The following TRIM66 variants were observed in gnomAD, a reference collection of about 807,000 sequenced individuals.
The protein encoded by TRIM66 is tripartite motif-containing protein 66.
Under a neutral mutation model 148.2 loss-of-function variants are expected in TRIM66, and 99 were observed. That is an observed-to-expected ratio of 0.67 (90% confidence interval 0.57 to 0.79). The LOEUF (loss-of-function observed/expected upper bound fraction) is 0.79, where lower values mean the gene tolerates loss of function less well. Ranked by LOEUF, TRIM66 falls within the 30% of genes least tolerant of loss-of-function variation. The pLI is 0.00. For synonymous variants in TRIM66, 616 were observed against 635.9 expected (o/e 0.97, Z 0.47); for missense variants, 1,666 against 1,697.9 (o/e 0.98, Z 0.33).
chr11:8,625,262 T>G, intron 15 of TRIM66, 34 bp from the exon 16 acceptor site: 1 of 1,462,052 alleles, frequency 6.8e-7, no homozygotes, highest in East Asian at 2.5e-5. Context: ...AGAGTCAGGC[T>G]GCTAGCTGGG....
At position 8,674,845 on chromosome 11, in the gene TRIM66, C is replaced by A. The variant is rs1293732936; in HGVS notation, c.-151G>T. 2 of 152,184 alleles carry A rather than the reference C, an allele frequency of 1.3e-5. No homozygotes were observed. The highest frequency in any genetic ancestry group is 6.5e-5 in the Admixed American group (1 of 15,276). 9.4% of individuals were successfully genotyped at this position (152,184 alleles called of 1,614,324 possible). A position where few individuals can be genotyped will look rare whatever the true frequency, so the allele number is the denominator to read the frequency against. ...AATCTGTTATATGTTGTTTTGTTCA[C>A]AGTATATGAGGAAAATCCAGTCTCA... On this transcript the variant is annotated 5_prime_UTR_variant, in exon 4 of 25. Coordinates refer to ENST00000646038, the MANE Select transcript of TRIM66 (RefSeq NM_001388022.1).
chr11:8,620,036 G>C lies in TRIM66; in HGVS notation c.3747+14C>G, dbSNP rs115128957. On this transcript the variant is annotated intron_variant, in intron 22 of 24. Coordinates refer to ENST00000646038, the MANE Select transcript of TRIM66 (RefSeq NM_001388022.1). ...TGCAAGGAGAAGGTGAGAGAACAGC[G>C]TGGCCTTCCTTACCAGGGGGCTGAC... The C allele has an allele frequency of 1.3e-6, 2 of 1,550,778 alleles. No individual in the cohort carries two copies.
chr11:8,669,754 T>C (rs1053263342), intron 6 of TRIM66, among the ~76,000 whole-genome samples: 2 of 152,252 alleles, frequency 1.3e-5, no homozygotes, highest in East Asian at 3.9e-4. Flanking sequence ...GGTCAGAGAT[T>C]GTTAAGCAAC....
Position 8,613,462 on chromosome 11 carries a change from T to C in TRIM66, c.*4482A>G, listed in dbSNP as rs747646575. ...CACTGGTGACTTTTATGAAAAAGTA[T>C]AGAGGGCTGAAGAACAGCTGAGGAA... On this transcript the variant is annotated 3_prime_UTR_variant, in exon 25 of 25. Transcript: ENST00000646038. 3 of 152,174 alleles carry C rather than the reference T, an allele frequency of 2.0e-5. No individual in the cohort carries two copies. Among genetic ancestry groups the C allele is most frequent in the African/African-American group, 4.8e-5 (2 of 41,440 alleles). The allele number at this position is 152,174 out of a possible 1,614,324, so 9.4% of individuals were successfully genotyped here.
In TRIM66 at chr11:8,612,542, A is replaced by G. The variant is rs567934998; in HGVS notation, c.*5402T>C. 4 of 152,284 alleles carry G rather than the reference A, an allele frequency of 2.6e-5. No individual in the cohort carries two copies. Among genetic ancestry groups the G allele is most frequent in the East Asian group, 1.9e-4 (1 of 5,178 alleles). The allele number at this position is 152,284 out of a possible 1,614,324, so 9.4% of individuals were successfully genotyped here. A position where few individuals can be genotyped will look rare whatever the true frequency, so the allele number is the denominator to read the frequency against. On this transcript the variant is annotated 3_prime_UTR_variant, in exon 25 of 25. Transcript: ENST00000646038. ...TTTGGTGTTCAGACTCTCAAATCAG[A>G]TATCTTTCTAGTATATACCTCCTTA... is the stretch of plus-strand genomic sequence containing the variant.
At chr11:8,645,686 G>A in intron 12 of TRIM66, 55 bp downstream of exon 12, 2 of 1,546,166 alleles carry the variant, frequency 1.3e-6, no homozygotes, top group Non-Finnish European at 1.7e-6. Context: ...TCTGACAAAG[G>A]GGATGCTCTG....
rs371852027 is a variant in TRIM66 at position 8,648,546 on chromosome 11, C to T, written c.595G>A (p.Val199Met). 5 of 1,551,662 alleles carry T rather than the reference C, an allele frequency of 3.2e-6. No individual in the cohort carries two copies. The African/African-American group carries it at 6.8e-5, about 21-fold the overall frequency. ...GTGAAGTCTCCGGGACCACCATTCA[C>T]TCCTGCCAGAGAAGACAGAGAAAGT... ...FPRAQKGSPG[V>M]NGGPGDFTLY... Residue 199 changes from valine to methionine, a missense_variant and splice_region_variant, in exon 9 of 25, where the codon GTG becomes ATG. Transcript: ENST00000646038.
intron 15 of TRIM66, among the ~76,000 whole-genome samples, chr11:8,634,288 C>A (rs2035678711): frequency 6.6e-6 from 1 of 152,240 alleles, no homozygotes; most frequent in Admixed American, 6.5e-5. Flanking sequence ...GCCTTAACCT[C>A]CTGAGTAGCT....
In TRIM66 at chr11:8,613,069, G is replaced by A. The variant is rs1367380514; in HGVS notation, c.*4875C>T. 1 of 152,234 alleles carries A rather than the reference G, an allele frequency of 6.6e-6. No individual in the cohort carries two copies. Among genetic ancestry groups the A allele is most frequent in the Admixed American group, 6.5e-5 (1 of 15,282 alleles). The allele number at this position is 152,234 out of a possible 1,614,324, so 9.4% of individuals were successfully genotyped here. The stretch of plus-strand genomic sequence containing the variant: ...CCAGCAGGAGCTCATAAACATGGTT[G>A]GCATGAGGAGAACTGAGTTCAGGAA... On this transcript the variant is annotated 3_prime_UTR_variant, in exon 25 of 25. Coordinates refer to ENST00000646038, the MANE Select transcript of TRIM66 (RefSeq NM_001388022.1).
intron 6 of TRIM66, among the ~76,000 whole-genome samples, chr11:8,670,115 T>A (rs942468352): frequency 2.6e-5 from 4 of 151,488 alleles, no homozygotes; most frequent in African/African-American, 9.7e-5. Context: ...TGGGTTCAAG[T>A]GATTCTCATG....
chr11:8,638,684 G>C lies in TRIM66; in HGVS notation c.2280C>G (p.Ile760Met), dbSNP rs1565509434. The change falls in exon 15 of 25, where the codon ATC (isoleucine) becomes ATG (methionine). Residue 760 changes from isoleucine (I) to methionine (M), a missense_variant. Ile to Met is a conservative substitution (Grantham distance 10). Around this residue, in one of 3 missense-constraint regions of TRIM66, gnomAD observed 1,431 missense variants for 1,412.4 expected, o/e 1.01. Coordinates refer to ENST00000646038, the MANE Select transcript of TRIM66 (RefSeq NM_001388022.1). ...TCACCACATTTGGAGAGGAGTGCTGGATGGTGCTGTCCACTGGGGGGACAC... is the reference window on the plus strand; with the variant it reads ...TCACCACATTTGGAGAGGAGTGCTGCATGGTGCTGTCCACTGGGGGGACAC... ...PLSVPPVDST[I>M]QHSSPNVVRK... is the part of the protein sequence containing the mutation. The C allele has an allele frequency of 3.9e-6, 6 of 1,549,774 alleles. No individual in the cohort carries two copies. The highest frequency in any genetic ancestry group is 5.2e-6 in the Non-Finnish European group (6 of 1,146,314).
At chr11:8,643,898 T>G (rs1239605733) in intron 12 of TRIM66, among the ~76,000 whole-genome samples, 1 of 152,186 alleles carries the variant, frequency 6.6e-6, no homozygotes, top group Non-Finnish European at 1.5e-5. Flanking sequence ...ATCCAGGGCT[T>G]TGGCAAGTGT....
At chr11:8,666,341 G>GAAA (rs558326812) in intron 6 of TRIM66, among the ~76,000 whole-genome samples, 18 of 23,534 alleles carry the variant, frequency 7.6e-4, no homozygotes, top group Non-Finnish European at 1.2e-3. Flanking sequence ...CTCCGCCTCA[G>GAAA]AAAAAAAAAA....
Position 8,627,323 on chromosome 11 carries a change from G to C in TRIM66, c.2311-2095C>G, listed in dbSNP as rs2034948895. 2.0e-5 allele frequency among the ~76,000 whole-genome samples: 3 copies of C among 152,110 alleles called. No homozygotes were observed. The South Asian group carries it at 6.2e-4, about 32-fold the overall frequency. On this transcript the variant is annotated intron_variant, in intron 15 of 24. Coordinates refer to ENST00000646038, the MANE Select transcript of TRIM66 (RefSeq NM_001388022.1). ...CTTTAGCCAAATGAACAGCAGCTTAGGTCTACTGACAACTTAGTCTATGAG... is the reference window on the plus strand; with the variant it reads ...CTTTAGCCAAATGAACAGCAGCTTACGTCTACTGACAACTTAGTCTATGAG...
At chr11:8,666,936 A>T (rs1398013623) in intron 6 of TRIM66, among the ~76,000 whole-genome samples, 2 of 152,040 alleles carry the variant, frequency 1.3e-5, no homozygotes, top group Non-Finnish European at 2.9e-5. Context: ...GAGCCTCCCG[A>T]GTAGCTGGTG....
chr11:8,682,206 A>T (rs374514065), intron 1 of TRIM66, among the ~76,000 whole-genome samples: 5 of 152,390 alleles, frequency 3.3e-5, no homozygotes, highest in African/African-American at 9.6e-5. Flanking sequence ...AAGAGAAAGG[A>T]AGCTGCAGTG....
chr11:8,627,569 T>C (rs1354142492), intron 15 of TRIM66, among the ~76,000 whole-genome samples: 2 of 152,230 alleles, frequency 1.3e-5, no homozygotes, highest in East Asian at 3.8e-4. Context: ...TTCTATTATT[T>C]TTATTGTTAT....
intron 21 of TRIM66, 122 bp from the exon 22 acceptor site, chr11:8,620,246 G>T: frequency 1.5e-6 from 2 of 1,296,558 alleles, no homozygotes; most frequent in Non-Finnish European, 2.1e-6. Flanking sequence ...CCATACTAAG[G>T]CACAATTCAG....
Position 8,682,615 on chromosome 11 carries a change from GCCA to G in TRIM66, c.-565_-563del, listed in dbSNP as rs1026937343. ...ACGAGCCTCACCGAAACCGTACACC[GCCA>G]CCAGGACACTCCGTGATGGGGGATC... On this transcript the variant is annotated 5_prime_UTR_variant, in exon 1 of 25. Transcript: ENST00000646038. 2 of 636,814 alleles carry G rather than the reference GCCA, an allele frequency of 3.1e-6. No individual in the cohort carries two copies. Among genetic ancestry groups the G allele is most frequent in the Non-Finnish European group, 5.6e-6 (2 of 355,764 alleles). The allele number at this position is 636,814 out of a possible 1,614,324, so 39.4% of individuals were successfully genotyped here.
Sources: gnomAD v4.1 joint callset for allele counts (sites outside exome capture counted in the v4.1 genomes callset) on GRCh38, gnomAD v4.1.1 for gene constraint, gnomAD v4.1.1 regional missense constraint, MANE v1.5 for transcripts, NCBI Gene and HGNC (gene_info 2026-07-23, HGNC 2026-07-21) for gene names.